ZNF778: variants seen among roughly 807,000 people sequenced by gnomAD.
ZNF778 encodes the protein zinc finger protein 778.
Under a neutral mutation model 23.9 loss-of-function variants are expected in ZNF778, and 37 were observed. The ratio of observed to expected loss-of-function variants is 1.54; its 90% CI spans 1.19 to 2.03. ZNF778 has a LOEUF of 2.03. ZNF778 is among the 30% of genes most tolerant of loss of function. The pLI is 0.00. For synonymous variants in ZNF778, 483 were observed against 343.9 expected (o/e 1.40, Z -4.48); for missense variants, 1,297 against 934.4 (o/e 1.39, Z -5.06).
chr16:89,222,967 G>GGGCACGCGTGACTGGAGGAGAGCGAC, intron 3 of ZNF778, among the ~76,000 whole-genome samples, 190 bp from the exon 4 acceptor site: 1 of 10,924 alleles, frequency 9.2e-5, no homozygotes, highest in East Asian at 0.012. Context: ...GAGAGCGACA[G>GGGCACGCGTGACTGGAGGAGAGCGAC]GGTGCGCGTG....
chr16:89,218,417 C>T (rs138764628), intron 1 of ZNF778: 21 of 152,348 alleles, frequency 1.4e-4, no homozygotes, highest in African/African-American at 4.3e-4. Context: ...TGATACTTAA[C>T]CTTTAAATAC....
rs963454861 is a variant in ZNF778, at chr16:89,235,589, C to T, written c.*7027C>T. ...CTGATGAACCAGTATCTCCATCACCCGTGGGACTGACAGACCCAGAGTGTC... is the reference window on the plus strand; with the variant it reads ...CTGATGAACCAGTATCTCCATCACCTGTGGGACTGACAGACCCAGAGTGTC... On this transcript the variant is annotated 3_prime_UTR_variant, in exon 7 of 7. Coordinates refer to ENST00000433976, the MANE Select transcript of ZNF778 (RefSeq NM_001201407.2). 2 of 152,174 alleles carry T rather than the reference C, an allele frequency of 1.3e-5. No individual in the cohort carries two copies. Among genetic ancestry groups the T allele is most frequent in the Non-Finnish European group, 1.5e-5 (1 of 68,044 alleles). The allele number at this position is 152,174 out of a possible 1,614,324, so 9.4% of individuals were successfully genotyped here. A position where few individuals can be genotyped will look rare whatever the true frequency, so the allele number is the denominator to read the frequency against.
intron 1 of ZNF778, 84 bp from the exon 2 acceptor site, chr16:89,220,913 C>T (rs1283428653): frequency 5.3e-6 from 3 of 568,636 alleles, no homozygotes; most frequent in South Asian, 4.0e-5. Flanking sequence ...GATATAGTGG[C>T]TTTCACATAT....
intron 3 of ZNF778, among the ~76,000 whole-genome samples, chr16:89,222,712 CT>C (rs1179748110): frequency 6.6e-6 from 1 of 152,196 alleles, no homozygotes; most frequent in Non-Finnish European, 1.5e-5. Flanking sequence ...GTGTTTCGTA[CT>C]TTGCTTAGTG....
chr16:89,234,317 A>C lies in ZNF778; in HGVS notation c.*5755A>C, dbSNP rs1597373983. 2 of 332,054 alleles carry C rather than the reference A, an allele frequency of 6.0e-6. No homozygotes were observed. The highest frequency in any genetic ancestry group is 1.2e-5 in the Non-Finnish European group (2 of 169,540). The allele number at this position is 332,054 out of a possible 1,614,324, so 20.6% of individuals were successfully genotyped here. A position where few individuals can be genotyped will look rare whatever the true frequency, so the allele number is the denominator to read the frequency against. ...GCCATGTTGACTCCTGGGCAGTTTT[A>C]TTCTTTCTCTCTACTCGTTCAACCT... On this transcript the variant is annotated 3_prime_UTR_variant, in exon 7 of 7. Coordinates refer to ENST00000433976, the MANE Select transcript of ZNF778 (RefSeq NM_001201407.2).
Position 89,226,818 on chromosome 16 carries a change from A to G in ZNF778, c.530A>G (p.His177Arg), listed in dbSNP as rs1452192706. ...ACAGGAGACAGTTGTGTGTCTAATC[A>G]TTATGAAAGGGACTTTTTTATTCCA... ...QNTGDSCVSN[H>R]YERDFFIPCQ... Residue 177 changes from histidine to arginine, a missense_variant, in exon 7 of 7, where the codon CAT (histidine) becomes CGT (arginine). His to Arg is a conservative substitution (Grantham distance 29). Transcript: ENST00000433976. The G allele has an allele frequency of 4.3e-6, 7 of 1,614,028 alleles. No homozygotes were observed. Among genetic ancestry groups the G allele is most frequent in the African/African-American group, 4.0e-5 (3 of 75,052 alleles).
In ZNF778 at chr16:89,232,519, C is replaced by G. The variant is rs937135530; in HGVS notation, c.*3957C>G. 3.3e-5 allele frequency: 24 copies of G among 728,240 alleles called. No individual in the cohort carries two copies. The African/African-American group carries it at 4.5e-4, about 14-fold the overall frequency. The allele number at this position is 728,240 out of a possible 1,614,324, so 45.1% of individuals were successfully genotyped here. Reference sequence around the variant, plus strand: ...GATACCTGTATTTCTCTTCCTAACTCTCAGAACGTGTTCTGTGTCACTTAG... The same window carrying G: ...GATACCTGTATTTCTCTTCCTAACTGTCAGAACGTGTTCTGTGTCACTTAG... On this transcript the variant is annotated 3_prime_UTR_variant, in exon 7 of 7. Coordinates refer to ENST00000433976, the MANE Select transcript of ZNF778 (RefSeq NM_001201407.2).
chr16:89,231,284 C>T lies in ZNF778; in HGVS notation c.*2722C>T, dbSNP rs1244289340. On this transcript the variant is annotated 3_prime_UTR_variant, in exon 7 of 7. Coordinates refer to ENST00000433976, the MANE Select transcript of ZNF778 (RefSeq NM_001201407.2). The stretch of plus-strand genomic sequence containing the variant: ...CTGAAATAAGTCCTGCAGGTCTCTG[C>T]TAGAACTGACTCACAGTTGCCTGAG... The T allele has an allele frequency of 2.6e-5, 4 of 152,214 alleles. No homozygotes were observed. The highest frequency in any genetic ancestry group is 9.6e-5 in the African/African-American group (4 of 41,456). 9.4% of individuals were successfully genotyped at this position (152,214 alleles called of 1,614,324 possible). A position where few individuals can be genotyped will look rare whatever the true frequency, so the allele number is the denominator to read the frequency against.
Position 89,224,765 on chromosome 16 carries a change from A to G in ZNF778, c.291A>G (p.Glu97=), listed in dbSNP as rs2031313188. The part of the protein sequence containing the change: ...QPSVIYWLEQ[E]EELRAGRRAV... ...GTGTGATCTATTGGCTGGAGCAGGA[A>G]GAGGAGTTGAGGGCAGGGCGGAGAG... Residue 97 remains glutamate, a synonymous_variant, in exon 5 of 7, where the codon GAA becomes GAG. Coordinates refer to ENST00000433976, the MANE Select transcript of ZNF778 (RefSeq NM_001201407.2). 6.5e-7 allele frequency: 1 copy of G among 1,531,822 alleles called. No individual in the cohort carries two copies. Among genetic ancestry groups the G allele is most frequent in the African/African-American group, 1.4e-5 (1 of 72,274 alleles). The allele number at this position is 1,531,822 out of a possible 1,614,324, so 94.9% of individuals were successfully genotyped here.
rs750966292 is a variant in ZNF778 at position 89,225,560 on chromosome 16, C to G, written c.334C>G (p.Arg112Gly). The G allele has an allele frequency of 6.2e-7, 1 of 1,603,824 alleles. No individual in the cohort carries two copies. The highest frequency in any genetic ancestry group is 8.5e-7 in the Non-Finnish European group (1 of 1,174,636). Residue 112 changes from arginine to glycine, a missense_variant, in exon 6 of 7, where the codon CGA (arginine) becomes GGA (glycine). Physicochemically the swap from Arg to Gly is moderately radical, Grantham distance 125. Coordinates refer to ENST00000433976, the MANE Select transcript of ZNF778 (RefSeq NM_001201407.2). The stretch of plus-strand genomic sequence containing the variant: ...TCATTCTTCTTTCTTTTCAGAATGG[C>G]GACTTAAAACCAAAGGGCCAGCACT... Reference protein sequence around the residue: ...AGRRAVLQEWRLKTKGPALRQ... With the variant: ...AGRRAVLQEWGLKTKGPALRQ...
chr16:89,226,577 C>T, intron 6 of ZNF778, 117 bp from the exon 7 acceptor site: 1 of 842,372 alleles, frequency 1.2e-6, no homozygotes, highest in Non-Finnish European at 1.8e-6. Context: ...GAGCTGCTTG[C>T]ATGTTATGAA....
Position 89,227,658 on chromosome 16 carries a change from C to G in ZNF778, c.1370C>G (p.Ala457Gly), listed in dbSNP as rs1431783055. 2 of 1,614,178 alleles carry G rather than the reference C, an allele frequency of 1.2e-6. No individual in the cohort carries two copies. The highest frequency in any genetic ancestry group is 2.2e-5 in the East Asian group (1 of 44,892). The change falls in exon 7 of 7, where the codon GCC becomes GGC. Residue 457 changes from alanine (A) to glycine (G), a missense_variant. Physicochemically the swap from Ala to Gly is moderately conservative, Grantham distance 60. Transcript: ENST00000433976. ...TACACGTGTAAGGACTGCGGGAAAGCCTTCTGTACATCCTCGGGCCTTACT... is the reference window on the plus strand; with the variant it reads ...TACACGTGTAAGGACTGCGGGAAAGGCTTCTGTACATCCTCGGGCCTTACT... ...KPYTCKDCGK[A>G]FCTSSGLTEH...
At position 89,228,291 on chromosome 16, in the gene ZNF778, C is replaced by A. The variant is rs1468404626; in HGVS notation, c.2003C>A (p.Thr668Lys). ...SHLIEHRRTH[T>K]GEKPYICNEC... ...CTTATCGAACACAGAAGGACTCACA[C>A]AGGAGAGAAACCTTACATATGTAAC... Residue 668 changes from threonine to lysine, a missense_variant, in exon 7 of 7, where the codon ACA becomes AAA. By Grantham distance (78) the Thr-to-Lys change is moderately conservative. Coordinates refer to ENST00000433976, the MANE Select transcript of ZNF778 (RefSeq NM_001201407.2). The A allele has an allele frequency of 6.2e-7, 1 of 1,605,638 alleles. No individual in the cohort carries two copies. Among genetic ancestry groups the A allele is most frequent in the Admixed American group, 1.7e-5 (1 of 59,692 alleles).
chr16:89,227,974 A>T lies in ZNF778; in HGVS notation c.1686A>T (p.Ile562=). The T allele has an allele frequency of 1.9e-6, 3 of 1,590,164 alleles. No homozygotes were observed. Among genetic ancestry groups the T allele is most frequent in the Non-Finnish European group, 2.6e-6 (3 of 1,165,216 alleles). The change falls in exon 7 of 7, where the codon ATA becomes ATT. Residue 562 remains isoleucine, a synonymous_variant. Coordinates refer to ENST00000433976, the MANE Select transcript of ZNF778 (RefSeq NM_001201407.2). ...CTCACACAGAGGAGAAGCCCTTTAT[A>T]TGTACGGTATGCAGGAAATCCTTCA... ...VKTHTEEKPF[I]CTVCRKSFRN...
Position 89,227,332 on chromosome 16 carries a change from A to G in ZNF778, c.1044A>G (p.Gly348=), listed in dbSNP as rs1378216036. 6.2e-7 allele frequency: 1 copy of G among 1,613,950 alleles called. No homozygotes were observed. Among genetic ancestry groups the G allele is most frequent in the South Asian group, 1.1e-5 (1 of 91,072 alleles). ...ECKECGKAFT[G]LSGLSKHVQT... The stretch of plus-strand genomic sequence containing the variant: ...AAGAATGCGGAAAAGCCTTCACTGG[A>G]CTCTCAGGTCTTTCTAAACACGTCC... The change falls in exon 7 of 7, where the codon GGA becomes GGG. Residue 348 remains glycine (G), a synonymous_variant. Coordinates refer to ENST00000433976, the MANE Select transcript of ZNF778 (RefSeq NM_001201407.2).
Position 89,228,455 on chromosome 16 carries a change from TAC to T in ZNF778, c.2170_2171del (p.Thr724Ter), listed in dbSNP as rs774167047. On this transcript the variant is annotated frameshift_variant, in exon 7 of 7. Transcript: ENST00000433976. LOFTEE classifies it low-confidence loss of function (END_TRUNC). ...FYLLKEHLKT[Y>X]TEEQVFVCKD... Reference sequence around the variant, plus strand: ...TCTACTAAAAGAACATTTAAAAACTTACACTGAAGAGCAGGTTTTTGTATGTA... The same window carrying T: ...TCTACTAAAAGAACATTTAAAAACTTACTGAAGAGCAGGTTTTTGTATGTA... 1.1e-5 allele frequency: 17 copies of T among 1,613,764 alleles called. No individual in the cohort carries two copies. The highest frequency in any genetic ancestry group is 2.2e-5 in the East Asian group (1 of 44,890).
chr16:89,221,022 G>T lies in ZNF778; in HGVS notation c.-106G>T, dbSNP rs763317108. On this transcript the variant is annotated 5_prime_UTR_variant, in exon 2 of 7. Coordinates refer to ENST00000433976, the MANE Select transcript of ZNF778 (RefSeq NM_001201407.2). ...GAAATAGGGATCCAGCCATCCGTGGGTCAGGAGGAATGGAGACTGTACCTT... is the reference window on the plus strand; with the variant it reads ...GAAATAGGGATCCAGCCATCCGTGGTTCAGGAGGAATGGAGACTGTACCTT... 4 of 1,284,428 alleles carry T rather than the reference G, an allele frequency of 3.1e-6. No individual in the cohort carries two copies. Among genetic ancestry groups the T allele is most frequent in the Non-Finnish European group, 3.3e-6 (3 of 912,872 alleles). The allele number at this position is 1,284,428 out of a possible 1,614,324, so 79.6% of individuals were successfully genotyped here.
At chr16:89,225,682 G>A in intron 6 of ZNF778, 51 bp downstream of exon 6, 1 of 1,502,974 alleles carries the variant, frequency 6.7e-7, no homozygotes, top group South Asian at 1.2e-5. Flanking sequence ...TAAAAGATTG[G>A]GAATTCCACT....
Position 89,233,691 on chromosome 16 carries a change from C to T in ZNF778, c.*5129C>T. 2 of 1,283,626 alleles carry T rather than the reference C, an allele frequency of 1.6e-6. No homozygotes were observed. Among genetic ancestry groups the T allele is most frequent in the African/African-American group, 1.6e-5 (1 of 64,112 alleles). 79.5% of individuals were successfully genotyped at this position (1,283,626 alleles called of 1,614,324 possible). ...CGCACTGCGTATGCAAATCAACTTA[C>T]TGCATATGCAACTCAACTCACTGCG... On this transcript the variant is annotated 3_prime_UTR_variant, in exon 7 of 7. Coordinates refer to ENST00000433976, the MANE Select transcript of ZNF778 (RefSeq NM_001201407.2).
Sources: allele counts gnomAD v4.1 joint callset (sites outside exome capture counted in the v4.1 genomes callset), GRCh38; gene constraint gnomAD v4.1.1; transcripts MANE v1.5; gene names NCBI Gene and HGNC (gene_info 2026-07-23, HGNC 2026-07-21).